The following RPL14 variants were observed in gnomAD, a reference collection of about 807,000 sequenced individuals.
RPL14 encodes large ribosomal subunit protein eL14.
RPL14 carries 4 observed loss-of-function variants against 25.3 expected under a neutral mutation model. That is an observed-to-expected ratio of 0.16 (90% CI 0.08 to 0.36). The LOEUF is 0.36. Among genes scored for constraint, RPL14 ranks in the 10% least tolerant of loss-of-function variants. The pLI, the probability that RPL14 is intolerant of heterozygous loss-of-function variation, is 1.00. For synonymous variants in RPL14, 75 were observed against 89.8 expected, an observed-to-expected ratio of 0.84 and a Z score of 0.93; for missense variants, 212 against 261.9, an observed-to-expected ratio of 0.81 and a Z score of 1.31.
chr3:40,461,376 T>C (rs778486016), intron 3 of RPL14, 31 bp from the exon 4 acceptor site: 2 of 1,590,748 alleles, frequency 1.3e-6, no homozygotes, highest in South Asian at 2.2e-5. Context: ...TCAAAGCTGA[T>C]TTCTTAATCT....
chr3:40,457,578 GGCGCGCCTTGGGCCACGCGT>G, intron 1 of RPL14, 104 bp downstream of exon 1: 1 of 985,616 alleles, frequency 1.0e-6, no homozygotes, highest in Non-Finnish European at 1.5e-6. Context: ...CGGCAGGCCT[GGCGCGCCTTGGGCCACGCGT>G]GCGCGCCTCC....
intron 3 of RPL14, chr3:40,459,117 G>A (rs1385188147): frequency 1.4e-5 from 3 of 211,758 alleles, no homozygotes; most frequent in African/African-American, 2.3e-5. Context: ...TAGCGAGGTC[G>A]AGGCTGCAGA....
rs79243217 is a variant in RPL14 at position 40,460,207 on chromosome 3, A to G, written c.201-1200A>G. On this transcript the variant is annotated intron_variant, in intron 3 of 5. Transcript: ENST00000396203. ...TTTTTTAAAAAAAAGCCTAACAGTT[A>G]ATATTAATTACCTTGTTTGTTACGA... 1.5e-3 allele frequency among the ~76,000 whole-genome samples: 221 copies of G among 152,256 alleles called. 4 individuals carry two copies. In the East Asian group the frequency reaches 0.039, roughly 27 times the overall value.
rs35229215 is a variant in RPL14, at chr3:40,462,373, C to CTTTTTTT, written c.*156_*162dup. The stretch of plus-strand genomic sequence containing the variant: ...ATAATAAACATTAAATAATCAGTTC[C>CTTTTTTT]TTTTTTTTTTTTTTTTTTTTTGAGA... On this transcript the variant is annotated 3_prime_UTR_variant, in exon 6 of 6. Coordinates refer to ENST00000396203, the MANE Select transcript of RPL14 (RefSeq NM_001034996.3). The CTTTTTTT allele has an allele frequency of 1.9e-4, 64 of 332,482 alleles. 3 individuals are homozygous for CTTTTTTT. Among genetic ancestry groups the CTTTTTTT allele is most frequent in the African/African-American group, 6.6e-4 (19 of 28,648 alleles). The allele number at this position is 332,482 out of a possible 1,614,324, so 20.6% of individuals were successfully genotyped here.
rs777409003 is a variant in RPL14, at chr3:40,458,623, C to T, written c.106-19C>T. ...TGCTGTTAGATTTTGCACTGAAGTTCTTGATGTTTGTGTTCTAGGCTTTGG... is the reference window on the plus strand; with the variant it reads ...TGCTGTTAGATTTTGCACTGAAGTTTTTGATGTTTGTGTTCTAGGCTTTGG... On this transcript the variant is annotated intron_variant, in intron 2 of 5. Coordinates refer to ENST00000396203, the MANE Select transcript of RPL14 (RefSeq NM_001034996.3). The T allele has an allele frequency of 7.5e-6, 12 of 1,608,562 alleles. No homozygotes were observed. The highest frequency in any genetic ancestry group is 1.7e-5 in the Admixed American group (1 of 59,958).
At chr3:40,461,905 A>G in intron 5 of RPL14, 34 bp from the exon 6 acceptor site, 1 of 1,570,068 alleles carries the variant, frequency 6.4e-7, no homozygotes, top group African/African-American at 1.4e-5. Context: ...GTATGTATAC[A>G]CAATAAGTGC....
intron 3 of RPL14, among the ~76,000 whole-genome samples, chr3:40,460,911 G>T (rs1034907941): frequency 6.6e-6 from 1 of 151,970 alleles, no homozygotes; most frequent in African/African-American, 2.4e-5. Flanking sequence ...CATAAAATGG[G>T]CTGGGCTGGG....
intron 3 of RPL14, among the ~76,000 whole-genome samples, 153 bp from the exon 4 acceptor site, chr3:40,461,254 A>G (rs1014421898): frequency 6.6e-5 from 10 of 152,148 alleles, no homozygotes; most frequent in Non-Finnish European, 1.5e-4. Context: ...TTAATAACCT[A>G]TTCTGGCTTA....
chr3:40,459,744 A>T lies in RPL14; in HGVS notation c.200+1008A>T, dbSNP rs542243365. On this transcript the variant is annotated intron_variant, in intron 3 of 5. Transcript: ENST00000396203. The stretch of plus-strand genomic sequence containing the variant: ...CATGGTGGCGGACACCTGTAGTCCC[A>T]GCTACTTCAGAGGCTGAGGCAGGAG... Among the ~76,000 whole-genome samples the T allele has an allele frequency of 3.0e-3, 451 of 151,240 alleles. 1 individual carries two copies. The highest frequency in any genetic ancestry group is 0.01 in the Middle Eastern group (3 of 294).
rs1369409016 is a variant in RPL14, at chr3:40,467,590, A to C, written c.*5358A>C. ...TACTCAGTCTACCCATTCAAATGCC[A>C]ATCTCTTCCAGAGGTAATCTCACAG... On this transcript the variant is annotated 3_prime_UTR_variant, in exon 6 of 6. Coordinates refer to ENST00000396203, the MANE Select transcript of RPL14 (RefSeq NM_001034996.3). 1 of 152,306 alleles carries C rather than the reference A, an allele frequency of 6.6e-6. No homozygotes were observed. The highest frequency in any genetic ancestry group is 2.4e-5 in the African/African-American group (1 of 41,460). The allele number at this position is 152,306 out of a possible 1,614,324, so 9.4% of individuals were successfully genotyped here.
rs375169934 is a variant in RPL14 at position 40,457,412 on chromosome 3, C to T, written c.-60C>T. ...CGGGGCCGTCGACCATGCCGCTCGACCTCCACCTCCGCTGGGAAGCTGAGG... is the reference window on the plus strand; with the variant it reads ...CGGGGCCGTCGACCATGCCGCTCGATCTCCACCTCCGCTGGGAAGCTGAGG... On this transcript the variant is annotated 5_prime_UTR_variant, in exon 1 of 6. Transcript: ENST00000396203. 222 of 1,593,406 alleles carry T rather than the reference C, an allele frequency of 1.4e-4. No individual in the cohort carries two copies. The highest frequency in any genetic ancestry group is 1.8e-4 in the Non-Finnish European group (208 of 1,169,482).
chr3:40,468,417 A>T lies in RPL14; in HGVS notation c.*6185A>T, dbSNP rs1559530912. The stretch of plus-strand genomic sequence containing the variant: ...GCCAGTGTGTGAAAAGTAGTATCTT[A>T]CTTTAACTTGTATTTTCCTGGTCCA... On this transcript the variant is annotated 3_prime_UTR_variant, in exon 6 of 6. Coordinates refer to ENST00000396203, the MANE Select transcript of RPL14 (RefSeq NM_001034996.3). 6.6e-6 allele frequency: 1 copy of T among 152,172 alleles called. No homozygotes were observed. Among genetic ancestry groups the T allele is most frequent in the Admixed American group, 6.5e-5 (1 of 15,274 alleles). The allele number at this position is 152,172 out of a possible 1,614,324, so 9.4% of individuals were successfully genotyped here. A position where few individuals can be genotyped will look rare whatever the true frequency, so the allele number is the denominator to read the frequency against.
In RPL14 at chr3:40,457,467, A is replaced by G. The variant is rs1184352097; in HGVS notation, c.-5A>G. On this transcript the variant is annotated 5_prime_UTR_variant, in exon 1 of 6. Coordinates refer to ENST00000396203, the MANE Select transcript of RPL14 (RefSeq NM_001034996.3). ...AAACGGCTCCCAGAGGGTCCCGGGA[A>G]GCGCATGGTGAGGGTCCCCGGGCCG... The G allele has an allele frequency of 6.4e-7, 1 of 1,567,602 alleles. No individual in the cohort carries two copies. Among genetic ancestry groups the G allele is most frequent in the Non-Finnish European group, 8.6e-7 (1 of 1,156,364 alleles).
intron 1 of RPL14, 52 bp from the exon 2 acceptor site, chr3:40,457,838 T>C (rs1696867944): frequency 2.7e-6 from 4 of 1,470,328 alleles, no homozygotes; most frequent in African/African-American, 2.8e-5. Context: ...AGGTGACATA[T>C]GTAGCGAGTA....
At chr3:40,460,335 C>G (rs1696917096) in intron 3 of RPL14, among the ~76,000 whole-genome samples, 1 of 151,942 alleles carries the variant, frequency 6.6e-6, no homozygotes, top group Admixed American at 6.6e-5. Context: ...TGAGACCAGC[C>G]TAGCCAACCC....
chr3:40,462,469 C>T lies in RPL14; in HGVS notation c.*237C>T, dbSNP rs547555867. ...TCGGCTCACTGTAAGTTCCACCTCCCGGGTTCATGCCATTCTCCTGCCTCA... is the reference window on the plus strand; with the variant it reads ...TCGGCTCACTGTAAGTTCCACCTCCTGGGTTCATGCCATTCTCCTGCCTCA... On this transcript the variant is annotated 3_prime_UTR_variant, in exon 6 of 6. Coordinates refer to ENST00000396203, the MANE Select transcript of RPL14 (RefSeq NM_001034996.3). 2.7e-4 allele frequency: 105 copies of T among 384,252 alleles called. No individual in the cohort carries two copies. The South Asian group carries it at 3.7e-3, about 14-fold the overall frequency. The allele number at this position is 384,252 out of a possible 1,614,324, so 23.8% of individuals were successfully genotyped here. A position where few individuals can be genotyped will look rare whatever the true frequency, so the allele number is the denominator to read the frequency against.
chr3:40,459,928 CAT>C (rs1431628508), intron 3 of RPL14, among the ~76,000 whole-genome samples: 2 of 147,622 alleles, frequency 1.4e-5, no homozygotes, highest in Non-Finnish European at 3.0e-5. Flanking sequence ...TGTATTAACA[CAT>C]AATGGATTTT....
rs1218054166 is a variant in RPL14, at chr3:40,467,785, A to C, written c.*5553A>C. 3.3e-5 allele frequency: 5 copies of C among 151,696 alleles called. No individual in the cohort carries two copies. Among genetic ancestry groups the C allele is most frequent in the Admixed American group, 2.6e-4 (4 of 15,188 alleles). 9.4% of individuals were successfully genotyped at this position (151,696 alleles called of 1,614,324 possible). A position where few individuals can be genotyped will look rare whatever the true frequency, so the allele number is the denominator to read the frequency against. On this transcript the variant is annotated 3_prime_UTR_variant, in exon 6 of 6. Coordinates refer to ENST00000396203, the MANE Select transcript of RPL14 (RefSeq NM_001034996.3). Reference sequence around the variant, plus strand: ...ATTGATAGACATTTCGGATGATGCCAATTTCTTTTTCTGGTTTTTGTTTTT... The same window carrying C: ...ATTGATAGACATTTCGGATGATGCCCATTTCTTTTTCTGGTTTTTGTTTTT...
rs114550366 is a variant in RPL14 at position 40,464,976 on chromosome 3, A to G, written c.*2744A>G. The G allele has an allele frequency of 3.6e-3, 594 of 165,682 alleles. 2 individuals carry two copies. Among genetic ancestry groups the G allele is most frequent in the African/African-American group, 0.013 (546 of 41,960 alleles). 10.3% of individuals were successfully genotyped at this position (165,682 alleles called of 1,614,324 possible). A position where few individuals can be genotyped will look rare whatever the true frequency, so the allele number is the denominator to read the frequency against. On this transcript the variant is annotated 3_prime_UTR_variant, in exon 6 of 6. Coordinates refer to ENST00000396203, the MANE Select transcript of RPL14 (RefSeq NM_001034996.3). ...CTTGAAAGCTATGTAGTTTAGGCAC[A>G]TAGTCAAAATCCAGTTTCCTCATCT... is the stretch of plus-strand genomic sequence containing the variant.
Sources: gnomAD v4.1 joint callset for allele counts (sites outside exome capture counted in the v4.1 genomes callset) on GRCh38, gnomAD v4.1.1 for gene constraint, MANE v1.5 for transcripts, NCBI Gene and HGNC (gene_info 2026-07-23, HGNC 2026-07-21) for gene names.